Variants in PRELID2 observed in about 807,000 individuals in gnomAD.
The protein encoded by PRELID2 is PRELI domain-containing protein 2.
PRELID2 carries 25 observed loss-of-function variants against 28.4 expected under a neutral mutation model. That is an observed-to-expected ratio of 0.88 (90% confidence interval 0.64 to 1.23). The LOEUF (loss-of-function observed/expected upper bound fraction) is 1.23, where lower values mean the gene tolerates loss of function less well. PRELID2 is among the 50% of genes most tolerant of loss of function. The probability of loss-of-function intolerance (pLI) is 0.00; values close to 1 mark genes in which losing one functional copy is unlikely to be tolerated. For synonymous variants in PRELID2, 76 were observed against 71.6 expected (o/e 1.06, Z -0.31); for missense variants, 201 against 214.4 (o/e 0.94, Z 0.39).
Position 145,534,550 on chromosome 5 carries a change from C to G in PRELID2, n.71-61235G>C, listed in dbSNP as rs571518313. 2.6e-5 allele frequency among the ~76,000 whole-genome samples: 4 copies of G among 152,096 alleles called. No individual in the cohort carries two copies. The East Asian group carries it at 7.8e-4, about 29-fold the overall frequency. On this transcript the variant is annotated intron_variant and non_coding_transcript_variant, in intron 1 of 2. Transcript: ENST00000510259. ...AAAGTGCATGGGCTGTGGAGTAAGG[C>G]AGACTGAACCTGGCTCCCTCCTCAC... is the stretch of plus-strand genomic sequence containing the variant.
At chr5:145,608,568 C>A (rs1318582569) in intron 1 of PRELID2, among the ~76,000 whole-genome samples, 1 of 152,112 alleles carries the variant, frequency 6.6e-6, no homozygotes, top group South Asian at 2.1e-4. Flanking sequence ...TGAATATAGG[C>A]CCCCAATCTT....
intron 1 of PRELID2, among the ~76,000 whole-genome samples, chr5:145,662,624 G>A (rs1362601742): frequency 6.6e-6 from 1 of 152,016 alleles, no homozygotes; most frequent in Admixed American, 6.6e-5. Flanking sequence ...ATTCACTTAT[G>A]GATTAATGGG....
At chr5:145,470,019 C>T (rs1752037070), downstream of PRELID2, among the ~76,000 whole-genome samples, 1 of 151,426 alleles carries the variant, frequency 6.6e-6, no homozygotes, top group African/African-American at 2.4e-5. Flanking sequence ...TGAAAACCTG[C>T]TAAATGTCTA....
At chr5:145,272,561 A>T in the PRELID2 span, among the ~76,000 whole-genome samples, 12 of 152,246 alleles carry the variant, frequency 7.9e-5, no homozygotes, top group Admixed American at 7.9e-4. Flanking sequence ...GATTGGTGAG[A>T]TTCAAATCCC....
At chr5:145,749,416 A>G (rs1757073504) in intron 1 of PRELID2, among the ~76,000 whole-genome samples, 2 of 152,236 alleles carry the variant, frequency 1.3e-5, no homozygotes, top group African/African-American at 4.8e-5. Flanking sequence ...ACAATGAGAT[A>G]CCATCTCACA....
At chr5:145,716,057 AT>A (rs969437065) in intron 1 of PRELID2, among the ~76,000 whole-genome samples, 18 of 151,194 alleles carry the variant, frequency 1.2e-4, no homozygotes, top group East Asian at 3.9e-4. Context: ...TTTTTTGGCG[AT>A]TTTTTTTTAG....
chr5:145,535,104 A>G (rs1049178344), intron 1 of PRELID2, among the ~76,000 whole-genome samples: 5 of 151,952 alleles, frequency 3.3e-5, no homozygotes, highest in African/African-American at 1.2e-4. Flanking sequence ...TTTGTAATAC[A>G]GACATATGTG....
intron 1 of PRELID2, among the ~76,000 whole-genome samples, chr5:145,588,941 C>A (rs1167394665): frequency 6.6e-6 from 1 of 151,536 alleles, no homozygotes; most frequent in Non-Finnish European, 1.5e-5. Context: ...AGTAGTAAAG[C>A]ATTCAGAAAC....
intron 1 of PRELID2, among the ~76,000 whole-genome samples, chr5:145,549,579 G>A (rs1752815947): frequency 6.6e-6 from 1 of 152,070 alleles, no homozygotes; most frequent in Non-Finnish European, 1.5e-5. Context: ...CGGAGCACGA[G>A]GTCAGGAGAT....
intron 1 of PRELID2, among the ~76,000 whole-genome samples, chr5:145,600,421 A>G (rs111331214): frequency 0.029 from 2,302 of 78,788 alleles, 31 homozygotes; most frequent in African/African-American, 0.042. Flanking sequence ...TCAGGGGGGG[A>G]AAAAAAAAAA....
At chr5:145,419,390 T>A in the PRELID2 span, among the ~76,000 whole-genome samples, 2 of 127,208 alleles carry the variant, frequency 1.6e-5, no homozygotes, top group East Asian at 2.2e-4. Flanking sequence ...CTCCAGCACC[T>A]GTTGTTTCCT....
chr5:145,726,229 G>A (rs1034934948), intron 1 of PRELID2, among the ~76,000 whole-genome samples: 1 of 101,848 alleles, frequency 9.8e-6, no homozygotes, highest in Non-Finnish European at 1.8e-5. Context: ...AGGAAGGAAG[G>A]AAGGAAGGAG....
At chr5:145,336,284 C>T in the PRELID2 span, among the ~76,000 whole-genome samples, 1 of 151,790 alleles carries the variant, frequency 6.6e-6, no homozygotes, top group South Asian at 2.1e-4. Context: ...TTAATTAGAT[C>T]CCATTTGTCA....
chr5:145,633,787 T>C (rs1753964453), intron 1 of PRELID2, among the ~76,000 whole-genome samples: 1 of 152,214 alleles, frequency 6.6e-6, no homozygotes, highest in African/African-American at 2.4e-5. Flanking sequence ...TGGTTTTCCC[T>C]GATTCTCACC....
At chr5:145,342,699 G>A in the PRELID2 span, among the ~76,000 whole-genome samples, 1 of 151,000 alleles carries the variant, frequency 6.6e-6, no homozygotes, top group East Asian at 1.9e-4. Context: ...ATTTCTCTGG[G>A]GGTGTCATTT....
At chr5:145,308,989 A>G in the PRELID2 span, among the ~76,000 whole-genome samples, 1 of 152,206 alleles carries the variant, frequency 6.6e-6, no homozygotes, top group Admixed American at 6.5e-5. Context: ...TGTATTGGAC[A>G]GCAGGGATGA....
At chr5:145,263,425 T>C in the PRELID2 span, among the ~76,000 whole-genome samples, 7 of 152,134 alleles carry the variant, frequency 4.6e-5, no homozygotes, top group East Asian at 5.8e-4. Context: ...AGATAGACCA[T>C]ACGCTAGGTC....
At chr5:145,230,473 G>A in the PRELID2 span, among the ~76,000 whole-genome samples, 2 of 152,142 alleles carry the variant, frequency 1.3e-5, no homozygotes, top group Non-Finnish European at 2.9e-5. Context: ...CAGCTACTCA[G>A]GAGGCTGAGA....
At chr5:145,273,493 A>G in the PRELID2 span, among the ~76,000 whole-genome samples, 3 of 152,092 alleles carry the variant, frequency 2.0e-5, no homozygotes, top group Non-Finnish European at 4.4e-5. Flanking sequence ...TGCAGGGCCA[A>G]GGCACCCTAG....
Sources: gnomAD v4.1 joint callset for allele counts (sites outside exome capture counted in the v4.1 genomes callset) on GRCh38, gnomAD v4.1.1 for gene constraint, MANE v1.5 for transcripts, NCBI Gene and HGNC (gene_info 2026-07-23, HGNC 2026-07-21) for gene names.